RNF170: variants seen among roughly 807,000 people sequenced by gnomAD.
RNF170 encodes the protein E3 ubiquitin-protein ligase RNF170.
A neutral mutation model predicts 32.7 loss-of-function variants in RNF170; 12 were observed. The ratio of observed to expected loss-of-function variants is 0.37; its 90% CI spans 0.24 to 0.60. RNF170 has a LOEUF of 0.60. RNF170 is among the 20% of genes least tolerant of loss of function. The probability of loss-of-function intolerance (pLI) is 0.72; values close to 1 mark genes in which losing one functional copy is unlikely to be tolerated. For synonymous variants in RNF170, 91 were observed against 103.6 expected, an observed-to-expected ratio of 0.88 and a Z score of 0.74; for missense variants, 212 against 311.2, an observed-to-expected ratio of 0.68 and a Z score of 2.40.
upstream of RNF170, chr8:42,896,864 C>T (rs997718991): frequency 6.7e-5 from 20 of 297,954 alleles, no homozygotes; most frequent in Non-Finnish European, 1.0e-4. Context: ...TGGGGAGGAG[C>T]GGTGTGGGCG....
At chr8:42,862,577 G>A (rs1803741669) in intron 5 of RNF170, among the ~76,000 whole-genome samples, 1 of 152,156 alleles carries the variant, frequency 6.6e-6, no homozygotes. Flanking sequence ...ACGGGAAGGA[G>A]TGGTGGCCGA....
chr8:42,866,730 A>C (rs1804111000), intron 4 of RNF170, among the ~76,000 whole-genome samples: 1 of 152,228 alleles, frequency 6.6e-6, no homozygotes, highest in Non-Finnish European at 1.5e-5. Context: ...GAAGGTATTC[A>C]TGAGCAGCAA....
intron 2 of RNF170, among the ~76,000 whole-genome samples, chr8:42,880,498 G>C (rs925434876): frequency 6.6e-6 from 1 of 152,170 alleles, no homozygotes; most frequent in Non-Finnish European, 1.5e-5. Context: ...CCAGCCAGGC[G>C]CAGTGGCTCA....
downstream of RNF170, among the ~76,000 whole-genome samples, chr8:42,851,670 C>T (rs1350407617): frequency 6.6e-6 from 1 of 152,134 alleles, no homozygotes; most frequent in Non-Finnish European, 1.5e-5. Context: ...GATGGGATCT[C>T]CTGTCACTCA....
At chr8:42,896,217 G>A (rs1206822318) in intron 1 of RNF170, 1 of 321,886 alleles carries the variant, frequency 3.1e-6, no homozygotes, top group South Asian at 2.3e-5. Context: ...AGCGACCCTA[G>A]AGGGAGCGGC....
downstream of RNF170, chr8:42,851,103 T>C (rs887989087): frequency 4.1e-6 from 6 of 1,476,806 alleles, no homozygotes; most frequent in Middle Eastern, 2.4e-4. Context: ...CAACCTCACT[T>C]CATGCCCTCC....
At chr8:42,876,268 T>C (rs1312556566) in intron 2 of RNF170, among the ~76,000 whole-genome samples, 3 of 151,346 alleles carry the variant, frequency 2.0e-5, no homozygotes, top group African/African-American at 2.4e-5. Flanking sequence ...AAAAATATTC[T>C]ACCACCAGAT....
At chr8:42,856,517 G>A in intron 6 of RNF170, 89 bp from the exon 7 acceptor site, 1 of 951,650 alleles carries the variant, frequency 1.1e-6, no homozygotes, top group Non-Finnish European at 1.6e-6. Flanking sequence ...TGTAAACATT[G>A]TTAAGATGAA....
intron 1 of RNF170, 25 bp from the exon 2 acceptor site, chr8:42,887,896 G>C: frequency 6.2e-7 from 1 of 1,603,312 alleles, no homozygotes; most frequent in Non-Finnish European, 8.5e-7. Flanking sequence ...AACAAGATGA[G>C]AGTTACAAAT....
chr8:42,878,830 C>T (rs1472232401), intron 2 of RNF170, among the ~76,000 whole-genome samples: 1 of 152,198 alleles, frequency 6.6e-6, no homozygotes, highest in East Asian at 1.9e-4. Context: ...AAAGGCCAGG[C>T]TGACTCTCTT....
chr8:42,897,299 C>A, upstream of RNF170: 1 of 520,746 alleles, frequency 1.9e-6, no homozygotes. Context: ...CCGTCACATC[C>A]GGGGCCTGGG....
At chr8:42,886,056 C>A (rs908853042) in intron 2 of RNF170, among the ~76,000 whole-genome samples, 5 of 152,036 alleles carry the variant, frequency 3.3e-5, no homozygotes, top group Non-Finnish European at 7.4e-5. Context: ...AACCCCGTCT[C>A]TACTAAAAAT....
chr8:42,873,125 G>A (rs999468891), intron 3 of RNF170, among the ~76,000 whole-genome samples: 5 of 152,010 alleles, frequency 3.3e-5, no homozygotes, highest in African/African-American at 4.8e-5. Context: ...GAACTCCTAA[G>A]CTCAAGTGAT....
intron 2 of RNF170, among the ~76,000 whole-genome samples, chr8:42,886,956 C>A (rs1218006869): frequency 6.6e-6 from 1 of 151,902 alleles, no homozygotes; most frequent in Non-Finnish European, 1.5e-5. Flanking sequence ...GAGTTTGAGA[C>A]CAGCCTGGCC....
chr8:42,891,563 C>T (rs1432809357), intron 1 of RNF170, among the ~76,000 whole-genome samples: 2 of 152,148 alleles, frequency 1.3e-5, no homozygotes, highest in Non-Finnish European at 1.5e-5. Context: ...TTAAGCCTTA[C>T]ATTAAGATAT....
At chr8:42,865,223 C>T (rs553466451) in intron 5 of RNF170, among the ~76,000 whole-genome samples, 193 bp downstream of exon 5, 2 of 151,302 alleles carry the variant, frequency 1.3e-5, no homozygotes, top group African/African-American at 4.9e-5. Context: ...TGCCACTGCA[C>T]TGCAAGACCT....
At chr8:42,867,791 A>G (rs893679701) in intron 4 of RNF170, among the ~76,000 whole-genome samples, 1 of 150,508 alleles carries the variant, frequency 6.6e-6, no homozygotes, top group Non-Finnish European at 1.5e-5. Context: ...AAAAAAAAAA[A>G]AAAAAAAAGA....
intron 2 of RNF170, among the ~76,000 whole-genome samples, chr8:42,881,908 C>T (rs1294604424): frequency 1.3e-5 from 2 of 151,490 alleles, no homozygotes; most frequent in Admixed American, 6.6e-5. Context: ...ATACTCTAGC[C>T]TGGGCAACAG....
chr8:42,894,597 G>A (rs191085513), intron 1 of RNF170, among the ~76,000 whole-genome samples: 27 of 152,122 alleles, frequency 1.8e-4, no homozygotes, highest in Middle Eastern at 6.8e-3. Flanking sequence ...ACAGATTCTC[G>A]TTCTGTCGTC....
Sources: allele counts gnomAD v4.1 joint callset (sites outside exome capture counted in the v4.1 genomes callset), GRCh38; gene constraint gnomAD v4.1.1; transcripts MANE v1.5; gene names NCBI Gene and HGNC (gene_info 2026-07-23, HGNC 2026-07-21).